The following TNIK variants were observed in gnomAD, a reference collection of about 807,000 sequenced individuals.
TNIK encodes the protein TRAF2 and NCK-interacting protein kinase.
TNIK carries 49 observed loss-of-function variants against 191.3 expected under a neutral mutation model. The observed-to-expected ratio is 0.26, with a 90% CI of 0.20 to 0.32. TNIK has a LOEUF of 0.32. Ranked by LOEUF, TNIK falls within the 10% of genes least tolerant of loss-of-function variation. The pLI is 1.00. For missense variants in TNIK, 1,155 were observed against 1,702.3 expected (o/e 0.68, Z 5.66); for synonymous variants, 594 against 600.9 (o/e 0.99, Z 0.17).
chr3:171,115,667 T>C (rs1196981519), intron 18 of TNIK, among the ~76,000 whole-genome samples: 2 of 152,146 alleles, frequency 1.3e-5, no homozygotes, highest in East Asian at 1.9e-4. Context: ...AAGTACCAAA[T>C]CTGTATTAGG....
At chr3:171,459,171 G>C (rs1435157820) in intron 1 of TNIK, among the ~76,000 whole-genome samples, 2 of 152,094 alleles carry the variant, frequency 1.3e-5, no homozygotes, top group Non-Finnish European at 2.9e-5. Context: ...TGGGGCTGGG[G>C]GGAGGGAGGT....
At chr3:171,308,122 A>G (rs971537208) in intron 2 of TNIK, among the ~76,000 whole-genome samples, 4 of 152,156 alleles carry the variant, frequency 2.6e-5, no homozygotes, top group Non-Finnish European at 4.4e-5. Context: ...AGTGAAAACA[A>G]TCCTAGGAAA....
intron 4 of TNIK, among the ~76,000 whole-genome samples, chr3:171,198,193 G>A (rs953810903): frequency 6.6e-6 from 1 of 151,952 alleles, no homozygotes; most frequent in Admixed American, 6.6e-5. Flanking sequence ...AACCCAGGAG[G>A]CGGAGCTTGC....
chr3:171,063,785 T>TTCTGATTCTGCC lies in TNIK; in HGVS notation c.*84_*95dup. 7.8e-7 allele frequency: 1 copy of TTCTGATTCTGCC among 1,276,976 alleles called. No homozygotes were observed. Among genetic ancestry groups the TTCTGATTCTGCC allele is most frequent in the Non-Finnish European group, 1.1e-6 (1 of 909,660 alleles). The allele number at this position is 1,276,976 out of a possible 1,614,324, so 79.1% of individuals were successfully genotyped here. A position where few individuals can be genotyped will look rare whatever the true frequency, so the allele number is the denominator to read the frequency against. ...GGAAAGCGATATGTTCAACCAAGCC[T>TTCTGATTCTGCC]TCTGATTCTGCCTCTAGACTGGCAT... On this transcript the variant is annotated 3_prime_UTR_variant, in exon 33 of 33. Coordinates refer to ENST00000436636, the MANE Select transcript of TNIK (RefSeq NM_015028.4).
chr3:171,080,901 T>C (rs1247479255), intron 27 of TNIK, among the ~76,000 whole-genome samples: 5 of 152,306 alleles, frequency 3.3e-5, no homozygotes, highest in Middle Eastern at 3.4e-3. Flanking sequence ...GAGCCAGTGT[T>C]TCCTCCTTTC....
intron 2 of TNIK, among the ~76,000 whole-genome samples, chr3:171,282,330 A>C (rs1750523302): frequency 8.1e-6 from 1 of 123,822 alleles, no homozygotes; most frequent in African/African-American, 3.0e-5. Flanking sequence ...AGATTCTCTT[A>C]ATGGTTTTTT....
intron 10 of TNIK, among the ~76,000 whole-genome samples, chr3:171,161,933 A>T (rs750728264): frequency 2.0e-5 from 3 of 151,976 alleles, no homozygotes; most frequent in Non-Finnish European, 2.9e-5. Flanking sequence ...ATAATAATAT[A>T]ATAATAATAA....
chr3:171,400,240 T>C (rs996009649), intron 1 of TNIK, among the ~76,000 whole-genome samples: 2 of 152,146 alleles, frequency 1.3e-5, no homozygotes, highest in East Asian at 3.8e-4. Context: ...ATGCCAAATT[T>C]CCCCTGGTGT....
chr3:171,085,830 AC>A (rs1721285016), intron 24 of TNIK, among the ~76,000 whole-genome samples: 1 of 152,160 alleles, frequency 6.6e-6, no homozygotes, highest in South Asian at 2.1e-4. Flanking sequence ...AAGAATAATT[AC>A]ATTTACATCC....
At chr3:171,363,145 G>T (rs1010987407) in intron 2 of TNIK, among the ~76,000 whole-genome samples, 2 of 152,070 alleles carry the variant, frequency 1.3e-5, no homozygotes, top group Admixed American at 1.3e-4. Flanking sequence ...GGCCAGGGAG[G>T]CTGCTATATA....
intron 16 of TNIK, among the ~76,000 whole-genome samples, chr3:171,128,122 T>C (rs550935858): frequency 1.8e-4 from 27 of 152,256 alleles, no homozygotes; most frequent in East Asian, 1.9e-4. Flanking sequence ...CACTTAGAGG[T>C]CTTGTTAAAT....
chr3:171,256,934 A>G (rs1746950853), intron 2 of TNIK, among the ~76,000 whole-genome samples: 1 of 152,134 alleles, frequency 6.6e-6, no homozygotes, highest in African/African-American at 2.4e-5. Context: ...GAGCAGAATA[A>G]CTCACCTGCT....
At chr3:171,325,099 AAAAT>A (rs375566849) in intron 2 of TNIK, among the ~76,000 whole-genome samples, 11 of 151,260 alleles carry the variant, frequency 7.3e-5, no homozygotes, top group Middle Eastern at 3.4e-3. Flanking sequence ...AGACTGTCTC[AAAAT>A]AAATAAATAA....
chr3:171,323,205 T>C (rs1297379314), intron 2 of TNIK, among the ~76,000 whole-genome samples: 1 of 152,234 alleles, frequency 6.6e-6, no homozygotes, highest in Non-Finnish European at 1.5e-5. Flanking sequence ...ATATCTGTTT[T>C]AGCACATGAA....
intron 10 of TNIK, among the ~76,000 whole-genome samples, chr3:171,164,005 A>G (rs1012621142): frequency 6.6e-6 from 1 of 152,246 alleles, no homozygotes; most frequent in African/African-American, 2.4e-5. Flanking sequence ...AAACTAAGTC[A>G]TTTGATTAAA....
At chr3:171,373,299 T>TC (rs11417829) in intron 1 of TNIK, among the ~76,000 whole-genome samples, 130,915 of 151,914 alleles carry the variant, frequency 0.86, 56,694 homozygotes, top group Non-Finnish European at 0.91. Flanking sequence ...TGAAAATATA[T>TC]CCCTCCACCA....
chr3:171,347,035 G>C (rs1712320210), intron 2 of TNIK: 5 of 1,133,722 alleles, frequency 4.4e-6, no homozygotes, highest in Non-Finnish European at 6.1e-6. Flanking sequence ...GTTCATATGA[G>C]AGATGTGCAA....
At chr3:171,248,845 G>A (rs1398267191) in intron 2 of TNIK, among the ~76,000 whole-genome samples, 1 of 149,526 alleles carries the variant, frequency 6.7e-6, no homozygotes, top group Admixed American at 6.6e-5. Flanking sequence ...CAAGGCTAAA[G>A]TTTCAATCCA....
chr3:171,148,437 T>C (rs1032993559), intron 12 of TNIK, among the ~76,000 whole-genome samples: 1 of 152,182 alleles, frequency 6.6e-6, no homozygotes. Context: ...CCAGGTGTCA[T>C]ACAGAGGAGC....
Sources: gnomAD v4.1 joint callset for allele counts (sites outside exome capture counted in the v4.1 genomes callset) on GRCh38, gnomAD v4.1.1 for gene constraint, MANE v1.5 for transcripts, NCBI Gene and HGNC (gene_info 2026-07-23, HGNC 2026-07-21) for gene names.